The following ZFPM2 variants were observed in gnomAD, a reference collection of about 807,000 sequenced individuals.
ZFPM2 encodes the protein zinc finger protein, FOG family member 2, also known as zinc finger protein ZFPM2.
In ZFPM2, 20 loss-of-function variants were observed where a neutral mutation model predicts 98.6. That is an observed-to-expected ratio of 0.20 (90% CI 0.14 to 0.29). The LOEUF is 0.29. Ranked by LOEUF, ZFPM2 falls within the 10% of genes least tolerant of loss-of-function variation. The pLI is 1.00. For missense variants in ZFPM2, 1,310 were observed against 1,388.6 expected (o/e 0.94, Z 0.90); for synonymous variants, 518 against 502.7 (o/e 1.03, Z -0.41).
At chr8:105,490,203 T>C (rs145969102) in intron 3 of ZFPM2, among the ~76,000 whole-genome samples, 8,103 of 152,116 alleles carry the variant, frequency 0.053, 776 homozygotes, top group African/African-American at 0.19. Flanking sequence ...GCCAAGATCC[T>C]GCCACTGCAC....
chr8:105,573,667 A>C (rs1815404429), intron 4 of ZFPM2, among the ~76,000 whole-genome samples: 1 of 152,208 alleles, frequency 6.6e-6, no homozygotes, highest in South Asian at 2.1e-4. Context: ...AATAAAGACA[A>C]ATTAAAATAT....
At chr8:105,447,280 T>C (rs1458166911) in intron 3 of ZFPM2, among the ~76,000 whole-genome samples, 2 of 151,726 alleles carry the variant, frequency 1.3e-5, no homozygotes, top group African/African-American at 2.4e-5. Context: ...ATACTCACTA[T>C]CTGGGAGATT....
chr8:105,712,347 AAGAC>A (rs1384293628), intron 5 of ZFPM2, among the ~76,000 whole-genome samples: 5 of 152,082 alleles, frequency 3.3e-5, no homozygotes, highest in Non-Finnish European at 7.4e-5. Flanking sequence ...TAGATTTTGA[AAGAC>A]AGACCATAAA....
chr8:105,755,459 C>T (rs1812576199), intron 5 of ZFPM2, among the ~76,000 whole-genome samples: 1 of 152,080 alleles, frequency 6.6e-6, no homozygotes, highest in African/African-American at 2.4e-5. Flanking sequence ...GAATGCATTA[C>T]AAAAGAACTG....
intron 3 of ZFPM2, among the ~76,000 whole-genome samples, chr8:105,550,838 T>C (rs1466874936): frequency 6.6e-6 from 1 of 152,140 alleles, no homozygotes; most frequent in African/African-American, 2.4e-5. Context: ...CTCCAGAACA[T>C]AGCAAGACTG....
chr8:105,378,470 C>A (rs1006745656), intron 1 of ZFPM2, among the ~76,000 whole-genome samples: 1 of 152,170 alleles, frequency 6.6e-6, no homozygotes, highest in African/African-American at 2.4e-5. Flanking sequence ...ATGCCTTAAT[C>A]TTTCCTCCTA....
intron 6 of ZFPM2, among the ~76,000 whole-genome samples, chr8:105,796,345 A>G (rs1298120981): frequency 6.6e-6 from 1 of 151,458 alleles, no homozygotes; most frequent in Non-Finnish European, 1.5e-5. Context: ...ATTTATGTCA[A>G]ATAATTCAGC....
intron 4 of ZFPM2, among the ~76,000 whole-genome samples, chr8:105,605,113 T>G (rs1691931696): frequency 6.6e-6 from 1 of 152,126 alleles, no homozygotes; most frequent in Non-Finnish European, 1.5e-5. Context: ...GATAGTCACT[T>G]TGTTTAAAAA....
At chr8:105,444,226 T>C in intron 2 of ZFPM2, 54 bp from the exon 3 acceptor site, 1 of 1,410,516 alleles carries the variant, frequency 7.1e-7, no homozygotes, top group Non-Finnish European at 9.9e-7. Context: ...GGTGTGAATG[T>C]GAAAGAGAGA....
At chr8:105,600,158 T>C (rs1359262129) in intron 4 of ZFPM2, among the ~76,000 whole-genome samples, 2 of 152,158 alleles carry the variant, frequency 1.3e-5, no homozygotes, top group East Asian at 3.9e-4. Flanking sequence ...ATAGTATTCC[T>C]GTTGATTTTA....
chr8:105,715,742 G>A (rs1373233570), intron 5 of ZFPM2, among the ~76,000 whole-genome samples: 1 of 151,872 alleles, frequency 6.6e-6, no homozygotes, highest in African/African-American at 2.4e-5. Context: ...TCCAGTCCTG[G>A]TGTTTTCATA....
At chr8:105,464,716 T>C (rs191874136) in intron 3 of ZFPM2, among the ~76,000 whole-genome samples, 5 of 151,802 alleles carry the variant, frequency 3.3e-5, no homozygotes, top group East Asian at 1.9e-4. Context: ...GCAGTGCTGA[T>C]TGAACGCCCT....
chr8:105,433,967 A>G (rs1812070423), intron 2 of ZFPM2, among the ~76,000 whole-genome samples: 1 of 152,184 alleles, frequency 6.6e-6, no homozygotes, highest in South Asian at 2.1e-4. Context: ...AACTACCGTC[A>G]AAATAATAAT....
intron 1 of ZFPM2, among the ~76,000 whole-genome samples, chr8:105,392,607 CAT>C (rs1811131478): frequency 6.6e-6 from 1 of 152,176 alleles, no homozygotes; most frequent in East Asian, 1.9e-4. Context: ...AAACAACTAA[CAT>C]ATAATCTGAT....
At chr8:105,609,437 T>G (rs1454538036) in intron 4 of ZFPM2, among the ~76,000 whole-genome samples, 3 of 152,070 alleles carry the variant, frequency 2.0e-5, no homozygotes, top group African/African-American at 7.2e-5. Flanking sequence ...GTGGAGGCAG[T>G]GGGAAGTGAG....
At chr8:105,482,712 A>G (rs1387718213) in intron 3 of ZFPM2, among the ~76,000 whole-genome samples, 1 of 152,174 alleles carries the variant, frequency 6.6e-6, no homozygotes, top group Non-Finnish European at 1.5e-5. Flanking sequence ...TTTAATACCC[A>G]GGACACCCTC....
intron 5 of ZFPM2, among the ~76,000 whole-genome samples, chr8:105,770,864 T>C (rs1812964246): frequency 6.6e-6 from 1 of 152,100 alleles, no homozygotes; most frequent in African/African-American, 2.4e-5. Flanking sequence ...TAGGTAGCTG[T>C]GGAGAATTGA....
intron 5 of ZFPM2, among the ~76,000 whole-genome samples, chr8:105,683,783 T>C (rs1396544869): frequency 6.6e-6 from 1 of 152,180 alleles, no homozygotes; most frequent in Non-Finnish European, 1.5e-5. Context: ...TCTGACTTTC[T>C]AAAATAATGT....
At chr8:105,654,298 A>G (rs1340206216) in intron 5 of ZFPM2, among the ~76,000 whole-genome samples, 1 of 151,986 alleles carries the variant, frequency 6.6e-6, no homozygotes, top group Non-Finnish European at 1.5e-5. Context: ...GAAAATATAT[A>G]TGCTCTCTGT....
Sources: allele counts gnomAD v4.1 joint callset (sites outside exome capture counted in the v4.1 genomes callset), GRCh38; gene constraint gnomAD v4.1.1; transcripts MANE v1.5; gene names NCBI Gene and HGNC (gene_info 2026-07-23, HGNC 2026-07-21).